Variants in CFAP95 observed in about 807,000 individuals in gnomAD.
The protein encoded by CFAP95 is cilia- and flagella-associated protein 95.
At chr9:69,822,829 G>A in the CFAP95 span, among the ~76,000 whole-genome samples, 2 of 152,294 alleles carry the variant, frequency 1.3e-5, no homozygotes, top group African/African-American at 4.8e-5. Flanking sequence ...TCATGCGTTG[G>A]TTTTAGAAGG....
the CFAP95 span, among the ~76,000 whole-genome samples, chr9:69,843,259 C>T: frequency 6.6e-6 from 1 of 152,014 alleles, no homozygotes; most frequent in South Asian, 2.1e-4. Flanking sequence ...TTCTCGGGTA[C>T]TTGAGTGTCC....
the CFAP95 span, among the ~76,000 whole-genome samples, chr9:69,873,188 G>A: frequency 1.3e-5 from 2 of 152,142 alleles, no homozygotes; most frequent in Non-Finnish European, 2.9e-5. Flanking sequence ...TGAACTTGGG[G>A]TTAGTTAGAA....
the CFAP95 span, among the ~76,000 whole-genome samples, chr9:69,837,844 C>A: frequency 6.6e-6 from 1 of 152,182 alleles, no homozygotes; most frequent in Non-Finnish European, 1.5e-5. Flanking sequence ...AGGTTTTCTT[C>A]TAGGGTTTTC....
chr9:69,829,378 G>A, the CFAP95 span, among the ~76,000 whole-genome samples: 1 of 152,134 alleles, frequency 6.6e-6, no homozygotes, highest in East Asian at 1.9e-4. Context: ...ATTGTGCCAT[G>A]ACCTTTGTGT....
At chr9:69,868,923 C>A in the CFAP95 span, among the ~76,000 whole-genome samples, 1 of 151,850 alleles carries the variant, frequency 6.6e-6, no homozygotes, top group African/African-American at 2.4e-5. Flanking sequence ...AATTACCAGG[C>A]AAATATAAAT....
the CFAP95 span, among the ~76,000 whole-genome samples, chr9:69,853,756 T>C: frequency 6.6e-6 from 1 of 152,196 alleles, no homozygotes. Context: ...TATTATTTCA[T>C]GTAAAGGGTC....
At chr9:69,851,385 A>G in the CFAP95 span, among the ~76,000 whole-genome samples, 1 of 152,170 alleles carries the variant, frequency 6.6e-6, no homozygotes, top group Non-Finnish European at 1.5e-5. Context: ...GTCCCATTTC[A>G]ATAAGTAAAA....
chr9:69,869,900 A>G, the CFAP95 span, among the ~76,000 whole-genome samples: 1 of 152,184 alleles, frequency 6.6e-6, no homozygotes, highest in Non-Finnish European at 1.5e-5. Flanking sequence ...TGTAGTTGTC[A>G]TAGAAAATCA....
chr9:69,875,991 C>T, the CFAP95 span, among the ~76,000 whole-genome samples: 1 of 152,024 alleles, frequency 6.6e-6, no homozygotes, highest in Non-Finnish European at 1.5e-5. Flanking sequence ...ATAAATATTA[C>T]AATTATAAAT....
the CFAP95 span, chr9:69,886,796 G>T: frequency 6.7e-6 from 10 of 1,490,012 alleles, no homozygotes; most frequent in East Asian, 2.3e-5. Flanking sequence ...AATATTTTTC[G>T]TTTTTGAAGT....
chr9:69,829,199 C>T, the CFAP95 span, among the ~76,000 whole-genome samples: 3 of 152,256 alleles, frequency 2.0e-5, no homozygotes, highest in South Asian at 6.2e-4. Context: ...CCTACAAATG[C>T]TTCTGGATAT....
the CFAP95 span, among the ~76,000 whole-genome samples, chr9:69,879,383 G>A: frequency 6.6e-6 from 1 of 152,242 alleles, no homozygotes; most frequent in African/African-American, 2.4e-5. Flanking sequence ...ATATTGGTTT[G>A]GAAGCTGGGA....
chr9:69,904,365 G>A, the CFAP95 span, among the ~76,000 whole-genome samples: 5 of 152,094 alleles, frequency 3.3e-5, no homozygotes, highest in Admixed American at 2.0e-4. Context: ...AGCATGTATC[G>A]GTATTTTATT....
At chr9:69,880,047 A>G in the CFAP95 span, among the ~76,000 whole-genome samples, 1 of 87,858 alleles carries the variant, frequency 1.1e-5, no homozygotes, top group South Asian at 4.1e-4. Context: ...TATAGAATAC[A>G]TGAGATTTTG....
the CFAP95 span, among the ~76,000 whole-genome samples, chr9:69,833,261 A>G: frequency 6.6e-6 from 1 of 152,216 alleles, no homozygotes; most frequent in Non-Finnish European, 1.5e-5. Context: ...TGGGCATTTC[A>G]CATAAATGGA....
the CFAP95 span, among the ~76,000 whole-genome samples, chr9:69,867,438 T>C: frequency 6.6e-6 from 1 of 152,162 alleles, no homozygotes. Flanking sequence ...GTTTTGGGTG[T>C]GCTCAGTGAG....
chr9:69,895,024 A>G, the CFAP95 span, among the ~76,000 whole-genome samples: 17 of 151,826 alleles, frequency 1.1e-4, no homozygotes, highest in African/African-American at 3.9e-4. Context: ...GACTAGGGTT[A>G]GACAGTGTGA....
chr9:69,832,620 A>AATT, the CFAP95 span, among the ~76,000 whole-genome samples: 1 of 11,344 alleles, frequency 8.8e-5, no homozygotes, highest in African/African-American at 4.5e-4. Context: ...GTCTATTCGG[A>AATT]TTTTTTTTTT....
At chr9:69,867,215 G>A in the CFAP95 span, among the ~76,000 whole-genome samples, 5 of 152,152 alleles carry the variant, frequency 3.3e-5, no homozygotes, top group South Asian at 8.3e-4. Context: ...CTATTCTATC[G>A]CTATCCTTGC....
Sources: gnomAD v4.1 joint callset for allele counts (sites outside exome capture counted in the v4.1 genomes callset) on GRCh38, gnomAD v4.1.1 for gene constraint, MANE v1.5 for transcripts, NCBI Gene and HGNC (gene_info 2026-07-23, HGNC 2026-07-21) for gene names.